The following PRELID2 variants were observed in gnomAD, a reference collection of about 807,000 sequenced individuals.
PRELID2 encodes the protein PRELI domain containing 2.
In PRELID2, 25 loss-of-function variants were observed where a neutral mutation model predicts 28.4. That is an observed-to-expected ratio of 0.88 (90% CI 0.64 to 1.23). PRELID2 has a LOEUF of 1.23. PRELID2 is among the 50% of genes most tolerant of loss of function. The probability of loss-of-function intolerance (pLI) is 0.00; values close to 1 mark genes in which losing one functional copy is unlikely to be tolerated. For synonymous variants in PRELID2, 76 were observed against 71.6 expected, an observed-to-expected ratio of 1.06 and a Z score of -0.31; for missense variants, 201 against 214.4, an observed-to-expected ratio of 0.94 and a Z score of 0.39.
intron 5 of PRELID2, among the ~76,000 whole-genome samples, chr5:145,766,328 C>T (rs1757757635): frequency 6.6e-6 from 1 of 152,148 alleles, no homozygotes; most frequent in African/African-American, 2.4e-5. Context: ...GGCACCAGAG[C>T]TCTATGCCCT....
intron 3 of PRELID2, among the ~76,000 whole-genome samples, chr5:145,819,110 T>C (rs1052616470): frequency 4.6e-5 from 7 of 152,358 alleles, no homozygotes; most frequent in Non-Finnish European, 1.0e-4. Flanking sequence ...ACCATGATTA[T>C]GAGGCCTCCC....
the PRELID2 span, among the ~76,000 whole-genome samples, chr5:145,417,336 C>T: frequency 3.9e-5 from 6 of 152,244 alleles, no homozygotes; most frequent in Non-Finnish European, 8.8e-5. Context: ...AGAGCTGTTG[C>T]CATTTCTACT....
chr5:145,662,268 A>G (rs74379715), intron 1 of PRELID2, among the ~76,000 whole-genome samples: 1 of 152,154 alleles, frequency 6.6e-6, no homozygotes, highest in African/African-American at 2.4e-5. Flanking sequence ...ATGAGATCAA[A>G]GGAGCAAAAT....
chr5:145,253,829 T>G, the PRELID2 span, among the ~76,000 whole-genome samples: 1 of 148,754 alleles, frequency 6.7e-6, no homozygotes, highest in East Asian at 2.0e-4. Context: ...GAGTGAGATC[T>G]AAAAAAAACA....
intron 1 of PRELID2, among the ~76,000 whole-genome samples, chr5:145,668,304 A>G (rs1211670266): frequency 6.6e-6 from 1 of 151,932 alleles, no homozygotes; most frequent in African/African-American, 2.4e-5. Context: ...CCTAATGACC[A>G]AATTGAATCA....
chr5:145,264,010 C>A, the PRELID2 span, among the ~76,000 whole-genome samples: 1 of 152,154 alleles, frequency 6.6e-6, no homozygotes, highest in South Asian at 2.1e-4. Context: ...CCCATCTAAG[C>A]TTCCTGAATA....
chr5:145,327,757 T>C, the PRELID2 span, among the ~76,000 whole-genome samples: 1 of 152,126 alleles, frequency 6.6e-6, no homozygotes. Flanking sequence ...TTGTCTTTAC[T>C]TTTGTGTATC....
intron 1 of PRELID2, among the ~76,000 whole-genome samples, chr5:145,650,594 T>A (rs1339486007): frequency 7.0e-6 from 1 of 142,630 alleles, no homozygotes; most frequent in Non-Finnish European, 1.5e-5. Context: ...ATATTTTTTT[T>A]AATTTGGTTA....
At chr5:145,822,327 T>C (rs1188880196) in intron 2 of PRELID2, among the ~76,000 whole-genome samples, 1 of 152,176 alleles carries the variant, frequency 6.6e-6, no homozygotes, top group Non-Finnish European at 1.5e-5. Context: ...AGTAAACATT[T>C]TCTGCAAAGA....
the PRELID2 span, among the ~76,000 whole-genome samples, chr5:145,258,353 A>T: frequency 6.6e-6 from 1 of 152,168 alleles, no homozygotes; most frequent in Non-Finnish European, 1.5e-5. Flanking sequence ...GATGAGGGAA[A>T]ATTTGGAACA....
the PRELID2 span, among the ~76,000 whole-genome samples, chr5:145,381,059 C>G: frequency 6.6e-6 from 1 of 152,106 alleles, no homozygotes; most frequent in Non-Finnish European, 1.5e-5. Context: ...ATAGAATTCA[C>G]CTTTTCAGTT....
At chr5:145,385,124 T>C in the PRELID2 span, among the ~76,000 whole-genome samples, 4 of 152,218 alleles carry the variant, frequency 2.6e-5, no homozygotes, top group African/African-American at 9.6e-5. Flanking sequence ...CAAAACTTAC[T>C]AAATTATACA....
At chr5:145,476,451 C>G (rs1247655786) in intron 1 of PRELID2, among the ~76,000 whole-genome samples, 1 of 152,158 alleles carries the variant, frequency 6.6e-6, no homozygotes, top group African/African-American at 2.4e-5. Flanking sequence ...TCAAGACCAG[C>G]CTGGCCAACA....
intron 1 of PRELID2, among the ~76,000 whole-genome samples, chr5:145,532,152 G>T (rs1395027854): frequency 6.6e-6 from 1 of 152,012 alleles, no homozygotes; most frequent in African/African-American, 2.4e-5. Flanking sequence ...GTGGTTAAAA[G>T]CATGAGTTTT....
the PRELID2 span, among the ~76,000 whole-genome samples, chr5:145,432,606 T>C: frequency 2.0e-5 from 3 of 152,204 alleles, no homozygotes; most frequent in Admixed American, 6.5e-5. Context: ...TGTGTATCTC[T>C]CTTTAGGCAT....
chr5:145,563,109 G>A (rs1380203379), intron 1 of PRELID2, among the ~76,000 whole-genome samples: 1 of 152,176 alleles, frequency 6.6e-6, no homozygotes, highest in Non-Finnish European at 1.5e-5. Context: ...ATCCACGCTT[G>A]GCCAATGATC....
chr5:145,435,657 T>G, the PRELID2 span, among the ~76,000 whole-genome samples: 1 of 152,290 alleles, frequency 6.6e-6, no homozygotes, highest in East Asian at 1.9e-4. Context: ...CTGTGTGCTC[T>G]TCCTCGTTCT....
At chr5:145,702,858 T>C (rs974342795) in intron 1 of PRELID2, among the ~76,000 whole-genome samples, 1 of 152,208 alleles carries the variant, frequency 6.6e-6, no homozygotes, top group Non-Finnish European at 1.5e-5. Context: ...CACTTCTATG[T>C]GGGCTTGAGT....
At chr5:145,743,072 G>A (rs1756880093) in intron 1 of PRELID2, among the ~76,000 whole-genome samples, 1 of 151,994 alleles carries the variant, frequency 6.6e-6, no homozygotes, top group Admixed American at 6.6e-5. Flanking sequence ...AGGGGGCGGG[G>A]CTAAAATGAC....
Sources: gnomAD v4.1 joint callset for allele counts (sites outside exome capture counted in the v4.1 genomes callset) on GRCh38, gnomAD v4.1.1 for gene constraint, MANE v1.5 for transcripts, NCBI Gene and HGNC (gene_info 2026-07-23, HGNC 2026-07-21) for gene names.